ANKIB1: variants seen among roughly 807,000 people sequenced by gnomAD.
ANKIB1 encodes the protein ankyrin repeat and IBR domain containing 1.
A neutral mutation model predicts 122.1 loss-of-function variants in ANKIB1; 43 were observed. The ratio of observed to expected loss-of-function variants is 0.35; its 90% CI spans 0.28 to 0.45. ANKIB1 has a LOEUF of 0.45. Among genes scored for constraint, ANKIB1 ranks in the 20% least tolerant of loss-of-function variants. The probability of loss-of-function intolerance (pLI) is 1.00; values close to 1 mark genes in which losing one functional copy is unlikely to be tolerated. For synonymous variants in ANKIB1, 390 were observed against 442.0 expected (o/e 0.88, Z 1.48); for missense variants, 992 against 1,329.5 (o/e 0.75, Z 3.95).
chr7:92,309,514 C>T (rs1423092056), intron 3 of ANKIB1, among the ~76,000 whole-genome samples: 1 of 152,104 alleles, frequency 6.6e-6, no homozygotes, highest in Non-Finnish European at 1.5e-5. Flanking sequence ...CTGTGTTTAC[C>T]TATTGTGGAA....
At chr7:92,296,563 A>T (rs1461799241) in intron 2 of ANKIB1, among the ~76,000 whole-genome samples, 3 of 152,130 alleles carry the variant, frequency 2.0e-5, no homozygotes, top group African/African-American at 7.2e-5. Context: ...GTCATAACCC[A>T]TGGGAACCTC....
At chr7:92,329,176 C>G (rs947799862) in intron 5 of ANKIB1, among the ~76,000 whole-genome samples, 3 of 151,980 alleles carry the variant, frequency 2.0e-5, no homozygotes, top group African/African-American at 7.2e-5. Flanking sequence ...TCATGTTGGC[C>G]AGGCTGGTCT....
At chr7:92,371,881 T>C (rs1023791107) in intron 11 of ANKIB1, among the ~76,000 whole-genome samples, 2 of 151,314 alleles carry the variant, frequency 1.3e-5, no homozygotes, top group Admixed American at 1.3e-4. Context: ...AGATCAGAAA[T>C]TCATGAATCC....
At position 92,398,548 on chromosome 7, in the gene ANKIB1, G is replaced by C. The variant is rs376248987; in HGVS notation, c.2869G>C (p.Asp957His). Residue 957 changes from aspartate to histidine, a missense_variant, in exon 20 of 20, where the codon GAC becomes CAC. This residue lies in a region of ANKIB1 where 384 missense variants were observed against 412.0 expected (regional missense o/e 0.93). Transcript: ENST00000265742. ...TTTCTGTCCCTCATCTAGTGATCCT[G>C]ACTCAGCTGGCCAGGACCCCAACAT... is the stretch of plus-strand genomic sequence containing the variant. ...SDFCPSSSDP[D>H]SAGQDPNIND... 14 of 1,613,828 alleles carry C rather than the reference G, an allele frequency of 8.7e-6. No homozygotes were observed. The highest frequency in any genetic ancestry group is 1.1e-5 in the Non-Finnish European group (13 of 1,179,884).
intron 2 of ANKIB1, among the ~76,000 whole-genome samples, chr7:92,302,253 G>A (rs1162868221): frequency 6.6e-6 from 1 of 152,104 alleles, no homozygotes; most frequent in Non-Finnish European, 1.5e-5. Context: ...AATATATGAT[G>A]TATATATGTA....
Position 92,278,303 on chromosome 7 carries a change from G to A in ANKIB1, c.-90-16586G>A, listed in dbSNP as rs147993121. Among the ~76,000 whole-genome samples the A allele has an allele frequency of 1.7e-4, 26 of 152,170 alleles. No individual in the cohort carries two copies. The East Asian group carries it at 5.0e-3, about 29-fold the overall frequency. On this transcript the variant is annotated intron_variant, in intron 1 of 19. Transcript: ENST00000265742. ...TTTTTTAAAAAAGGAAAAAGAAAAT[G>A]CAGAAGCTGGGCCAGCCTCTGCTGT...
chr7:92,270,128 T>C (rs1283242250), intron 1 of ANKIB1, among the ~76,000 whole-genome samples: 1 of 152,166 alleles, frequency 6.6e-6, no homozygotes, highest in Non-Finnish European at 1.5e-5. Flanking sequence ...AGTGGTGTCA[T>C]CACAGCTTAC....
At chr7:92,351,732 T>G (rs1036518879) in intron 8 of ANKIB1, among the ~76,000 whole-genome samples, 42 of 148,386 alleles carry the variant, frequency 2.8e-4, no homozygotes, top group African/African-American at 9.9e-4. Context: ...TTTTTTTTTT[T>G]TTTTTGGAGA....
At chr7:92,282,506 C>T (rs1210512433) in intron 1 of ANKIB1, among the ~76,000 whole-genome samples, 1 of 152,066 alleles carries the variant, frequency 6.6e-6, no homozygotes, top group Non-Finnish European at 1.5e-5. Context: ...CTTCCTAATT[C>T]CAAGATAAAC....
chr7:92,263,177 T>G (rs1334913075), intron 1 of ANKIB1, among the ~76,000 whole-genome samples: 1 of 152,198 alleles, frequency 6.6e-6, no homozygotes, highest in African/African-American at 2.4e-5. Flanking sequence ...GATTAGGTTT[T>G]TACACATGTA....
chr7:92,255,049 G>A (rs890061671), intron 1 of ANKIB1, among the ~76,000 whole-genome samples: 2 of 152,208 alleles, frequency 1.3e-5, no homozygotes, highest in African/African-American at 4.8e-5. Context: ...ATCCATGTAA[G>A]ATGTGACTTG....
At chr7:92,331,485 G>T (rs1187076090) in intron 5 of ANKIB1, among the ~76,000 whole-genome samples, 1 of 151,776 alleles carries the variant, frequency 6.6e-6, no homozygotes, top group Non-Finnish European at 1.5e-5. Context: ...GTTTGGCCAG[G>T]CTGGTCTGGA....
At chr7:92,265,255 A>C (rs560364482) in intron 1 of ANKIB1, among the ~76,000 whole-genome samples, 151 of 152,336 alleles carry the variant, frequency 9.9e-4, no homozygotes, top group African/African-American at 3.6e-3. Flanking sequence ...TTACAGGTAT[A>C]AACTGCTACC....
chr7:92,294,834 T>A (rs1279773511), intron 1 of ANKIB1, 55 bp from the exon 2 acceptor site: 2 of 609,092 alleles, frequency 3.3e-6, no homozygotes, highest in African/African-American at 3.7e-5. Flanking sequence ...TGTGTTATTG[T>A]TTCTTTTGTG....
intron 1 of ANKIB1, among the ~76,000 whole-genome samples, chr7:92,282,471 AG>A (rs1311146929): frequency 3.3e-5 from 5 of 152,168 alleles, no homozygotes; most frequent in African/African-American, 4.8e-5. Context: ...TGTCTGTCTT[AG>A]ATGCATCAGC....
At chr7:92,314,591 T>C (rs1403888495) in intron 3 of ANKIB1, among the ~76,000 whole-genome samples, 4 of 152,326 alleles carry the variant, frequency 2.6e-5, no homozygotes. Context: ...GAACCCTAGC[T>C]TGGGGCATAA....
At chr7:92,376,608 G>A (rs957587190) in intron 11 of ANKIB1, among the ~76,000 whole-genome samples, 1 of 151,612 alleles carries the variant, frequency 6.6e-6, no homozygotes, top group Non-Finnish European at 1.5e-5. Flanking sequence ...GCTACCACAC[G>A]TGGCTAATTT....
chr7:92,352,695 A>C, intron 9 of ANKIB1, 53 bp downstream of exon 9: 1 of 1,538,180 alleles, frequency 6.5e-7, no homozygotes, highest in Non-Finnish European at 8.7e-7. Context: ...TCCAATAGTT[A>C]TTAAAGACTT....
chr7:92,264,185 GT>G (rs552946409), intron 1 of ANKIB1, among the ~76,000 whole-genome samples: 15 of 142,794 alleles, frequency 1.1e-4, no homozygotes, highest in East Asian at 4.1e-4. Flanking sequence ...TTGTTTGTTG[GT>G]TTTTTTTTTT....
Sources: allele counts gnomAD v4.1 joint callset (sites outside exome capture counted in the v4.1 genomes callset), GRCh38; gene constraint gnomAD v4.1.1; regional missense constraint gnomAD v4.1.1; transcripts MANE v1.5; gene names NCBI Gene and HGNC (gene_info 2026-07-23, HGNC 2026-07-21).